Variants in PLXNA4 observed in about 807,000 individuals in gnomAD.
PLXNA4 encodes the protein plexin-A4.
PLXNA4 carries 44 observed loss-of-function variants against 191.8 expected under a neutral mutation model. The observed-to-expected ratio is 0.23, with a 90% confidence interval of 0.18 to 0.29. PLXNA4 has a LOEUF of 0.29. Ranked by LOEUF, PLXNA4 falls within the 10% of genes least tolerant of loss-of-function variation. The probability of loss-of-function intolerance (pLI) is 1.00; values close to 1 mark genes in which losing one functional copy is unlikely to be tolerated. For synonymous variants in PLXNA4, 1,082 were observed against 1,009.5 expected, an observed-to-expected ratio of 1.07 and a Z score of -1.36; for missense variants, 1,800 against 2,488.8, an observed-to-expected ratio of 0.72 and a Z score of 5.89.
At position 132,226,251 on chromosome 7, in the gene PLXNA4, T is replaced by C. The variant is rs1220375719; in HGVS notation, c.1892A>G (p.His631Arg). 2 of 1,613,328 alleles carry C rather than the reference T, an allele frequency of 1.2e-6. No individual in the cohort carries two copies. Among genetic ancestry groups the C allele is most frequent in the Non-Finnish European group, 1.7e-6 (2 of 1,179,706 alleles). ...PRIITENGDH[H>R]VVQLQLKSKE... ...TGATTTGAGCTGAAGCTGTACGACA[T>C]GGTGGTCCCCTACAAGGAGAGATGG... The change falls in exon 8 of 32, where the codon CAT (histidine) becomes CGT (arginine). Residue 631 changes from histidine (H) to arginine (R), a missense_variant. By Grantham distance (29) the His-to-Arg change is conservative. This residue lies in a region of PLXNA4 where 1,397 missense variants were observed against 1,880.4 expected (regional missense o/e 0.74). Transcript: ENST00000321063.
chr7:132,247,727 G>A lies in PLXNA4; in HGVS notation c.1504-6561C>T, dbSNP rs767264233. 9.2e-5 allele frequency among the ~76,000 whole-genome samples: 14 copies of A among 152,110 alleles called. No individual in the cohort carries two copies. The South Asian group carries it at 1.0e-3, about 11-fold the overall frequency. ...GCCAGGGACCACATAAAGGTTTTGTGGAGTCTCCCTGTGATGGCTCCAAGG... is the reference window on the plus strand; with the variant it reads ...GCCAGGGACCACATAAAGGTTTTGTAGAGTCTCCCTGTGATGGCTCCAAGG... On this transcript the variant is annotated intron_variant, in intron 4 of 31. Coordinates refer to ENST00000321063, the MANE Select transcript of PLXNA4 (RefSeq NM_020911.2).
At chr7:132,545,283 T>C (rs904959782) in intron 1 of PLXNA4, among the ~76,000 whole-genome samples, 2 of 152,266 alleles carry the variant, frequency 1.3e-5, no homozygotes, top group East Asian at 3.9e-4. Flanking sequence ...AGTCAAGATG[T>C]AGGTTTGTGT....
At chr7:132,561,956 CTCCTCCTCCTTA>C (rs1296235739) in intron 1 of PLXNA4, among the ~76,000 whole-genome samples, 22 of 142,506 alleles carry the variant, frequency 1.5e-4, no homozygotes, top group Middle Eastern at 4.6e-3. Context: ...CCTCTTTCTC[CTCCTCCTCCTTA>C]TCCTCCTCCT....
At chr7:132,189,601 A>G (rs1326053705) in intron 14 of PLXNA4, among the ~76,000 whole-genome samples, 28 of 152,174 alleles carry the variant, frequency 1.8e-4, no homozygotes, top group Non-Finnish European at 2.1e-4. Flanking sequence ...ACATGCCCCA[A>G]GTCCTGGGGA....
intron 14 of PLXNA4, among the ~76,000 whole-genome samples, chr7:132,189,030 AAGAGAGAGAGAGAGAGAGAGAGAGAG>A (rs3085197): frequency 0.17 from 10,595 of 60,688 alleles, 936 homozygotes; most frequent in South Asian, 0.27. Context: ...GAGAGAGAGA[AAGAGAGAGAGAGAGAGAGAGAGAGAG>A]AGAGAGAGAG....
intron 3 of PLXNA4, among the ~76,000 whole-genome samples, chr7:132,345,197 T>TAAC (rs1474927976): frequency 2.4e-4 from 37 of 152,326 alleles, no homozygotes; most frequent in Admixed American, 9.1e-4. Flanking sequence ...TACGGCTGGT[T>TAAC]ACTTTGGCAA....
In PLXNA4 at chr7:132,125,365, C is replaced by A. The variant is rs1217557052; in HGVS notation, c.*5114G>T. ...GGAATAGCAGCAGCCATGTGAGATG[C>A]CACCCCTAGCATTGTCCTCATCCAG... On this transcript the variant is annotated 3_prime_UTR_variant, in exon 32 of 32. Transcript: ENST00000321063. The A allele has an allele frequency of 6.6e-6, 1 of 152,114 alleles. No homozygotes were observed. Among genetic ancestry groups the A allele is most frequent in the African/African-American group, 2.4e-5 (1 of 41,406 alleles). 9.4% of individuals were successfully genotyped at this position (152,114 alleles called of 1,614,324 possible). A position where few individuals can be genotyped will look rare whatever the true frequency, so the allele number is the denominator to read the frequency against.
At chr7:132,536,309 C>T (rs1799829933) in intron 1 of PLXNA4, among the ~76,000 whole-genome samples, 1 of 152,174 alleles carries the variant, frequency 6.6e-6, no homozygotes, top group African/African-American at 2.4e-5. Flanking sequence ...CTATAAGTGA[C>T]TAATTTTTAT....
intron 2 of PLXNA4, among the ~76,000 whole-genome samples, chr7:132,621,260 G>GTTTT (rs371428336): frequency 2.3e-5 from 3 of 131,770 alleles, no homozygotes; most frequent in South Asian, 2.3e-4. Context: ...TTTTTTTTTG[G>GTTTT]TTTTTTTGTT....
At chr7:132,609,490 C>A (rs797002496) in intron 2 of PLXNA4, among the ~76,000 whole-genome samples, 3 of 152,302 alleles carry the variant, frequency 2.0e-5, no homozygotes, top group African/African-American at 7.2e-5. Flanking sequence ...CCCTTAGTCC[C>A]TTCCACCACC....
chr7:132,436,738 G>T (rs1050763239), intron 3 of PLXNA4, among the ~76,000 whole-genome samples: 1 of 152,220 alleles, frequency 6.6e-6, no homozygotes, highest in African/African-American at 2.4e-5. Flanking sequence ...TAGTGAAAAG[G>T]TCAGTGAGCG....
At position 132,125,200 on chromosome 7, in the gene PLXNA4, A is replaced by G. The variant is rs1356809888; in HGVS notation, c.*5279T>C. 1 of 151,426 alleles carries G rather than the reference A, an allele frequency of 6.6e-6. No homozygotes were observed. The highest frequency in any genetic ancestry group is 1.5e-5 in the Non-Finnish European group (1 of 68,034). The allele number at this position is 151,426 out of a possible 1,614,324, so 9.4% of individuals were successfully genotyped here. A position where few individuals can be genotyped will look rare whatever the true frequency, so the allele number is the denominator to read the frequency against. On this transcript the variant is annotated 3_prime_UTR_variant, in exon 32 of 32. Transcript: ENST00000321063. ...CCCAGCCTCATTCGGGAGCTGTGTC[A>G]GTGTTACCTGAGGCTGTGTCTCAGC...
At chr7:132,639,240 G>C (rs973423687) in intron 2 of PLXNA4, among the ~76,000 whole-genome samples, 1 of 152,178 alleles carries the variant, frequency 6.6e-6, no homozygotes. Flanking sequence ...AAAAGGGACA[G>C]TGATAACTCT....
chr7:132,320,818 TACAGAA>T (rs1802131815), intron 3 of PLXNA4, among the ~76,000 whole-genome samples: 1 of 152,174 alleles, frequency 6.6e-6, no homozygotes, highest in Non-Finnish European at 1.5e-5. Flanking sequence ...TGCGCAGACC[TACAGAA>T]TCAGAAACTC....
intron 1 of PLXNA4, among the ~76,000 whole-genome samples, chr7:132,569,752 A>G (rs1450208591): frequency 1.3e-5 from 2 of 152,200 alleles, no homozygotes; most frequent in African/African-American, 4.8e-5. Flanking sequence ...ACACGTGCCT[A>G]AGTAGCTGTC....
chr7:132,516,588 A>G (rs1483103848), intron 1 of PLXNA4, among the ~76,000 whole-genome samples: 3 of 152,230 alleles, frequency 2.0e-5, no homozygotes, highest in East Asian at 3.9e-4. Flanking sequence ...GTATTCAGCC[A>G]ACGACTATTG....
intron 3 of PLXNA4, among the ~76,000 whole-genome samples, chr7:132,458,386 T>C (rs998439473): frequency 6.6e-6 from 1 of 151,870 alleles, no homozygotes; most frequent in African/African-American, 2.4e-5. Context: ...GCACTGTTCA[T>C]AGAAGGCAAA....
At chr7:132,212,456 C>T (rs568546282) in intron 9 of PLXNA4, among the ~76,000 whole-genome samples, 1 of 152,136 alleles carries the variant, frequency 6.6e-6, no homozygotes, top group Non-Finnish European at 1.5e-5. Context: ...AGGGAGAAGG[C>T]TTGAACTAAC....
chr7:132,612,836 C>T (rs1258668272), intron 2 of PLXNA4, among the ~76,000 whole-genome samples: 10 of 152,154 alleles, frequency 6.6e-5, no homozygotes, highest in South Asian at 4.1e-4. Context: ...CTCTAGGCAT[C>T]GCCCAATGTC....
Sources: allele counts gnomAD v4.1 joint callset (sites outside exome capture counted in the v4.1 genomes callset), GRCh38; gene constraint gnomAD v4.1.1; regional missense constraint gnomAD v4.1.1; transcripts MANE v1.5; gene names NCBI Gene and HGNC (gene_info 2026-07-23, HGNC 2026-07-21).